Variants in RANBP2 observed in about 807,000 individuals in gnomAD.
The protein encoded by RANBP2 is E3 SUMO-protein ligase RanBP2.
A neutral mutation model predicts 303.6 loss-of-function variants in RANBP2; 57 were observed. The observed-to-expected ratio is 0.19, with a 90% CI of 0.15 to 0.23. RANBP2 has a LOEUF of 0.23. RANBP2 is among the 10% of genes least tolerant of loss of function. The pLI is 1.00. For missense variants in RANBP2, 3,138 were observed against 3,780.8 expected (o/e 0.83, Z 4.46); for synonymous variants, 1,167 against 1,301.5 (o/e 0.90, Z 2.23).
the RANBP2 span, among the ~76,000 whole-genome samples, chr2:109,388,662 G>A: frequency 2.6e-5 from 4 of 152,194 alleles, no homozygotes; most frequent in African/African-American, 9.7e-5. Context: ...GGTGTTTATC[G>A]AGCATGTACT....
chr2:108,954,704 C>T, the RANBP2 span, among the ~76,000 whole-genome samples: 1 of 150,618 alleles, frequency 6.6e-6, no homozygotes, highest in Admixed American at 6.6e-5. Flanking sequence ...GAGACAGAGT[C>T]TCGCTCTATT....
the RANBP2 span, among the ~76,000 whole-genome samples, chr2:109,400,507 AC>A: frequency 6.6e-6 from 1 of 150,762 alleles, no homozygotes; most frequent in East Asian, 2.0e-4. Flanking sequence ...TTACACATAC[AC>A]CCCTCCAGGT....
the RANBP2 span, among the ~76,000 whole-genome samples, chr2:109,606,672 C>CTTTTTT: frequency 1.8e-3 from 130 of 71,898 alleles, 4 homozygotes; most frequent in African/African-American, 4.8e-3. Flanking sequence ...AAATTTTAAG[C>CTTTTTT]TTTTTTTTTT....
the RANBP2 span, chr2:109,733,259 A>G: frequency 3.2e-6 from 1 of 308,544 alleles, no homozygotes; most frequent in Non-Finnish European, 6.5e-6. Context: ...CATGGAATGC[A>G]AAGATGTTTC....
chr2:109,550,182 C>G, the RANBP2 span, among the ~76,000 whole-genome samples: 1 of 151,634 alleles, frequency 6.6e-6, no homozygotes, highest in Admixed American at 6.6e-5. Flanking sequence ...CCCAGCTACT[C>G]GGGAGGCTGA....
At chr2:109,025,569 A>G in the RANBP2 span, among the ~76,000 whole-genome samples, 1 of 152,140 alleles carries the variant, frequency 6.6e-6, no homozygotes, top group South Asian at 2.1e-4. Context: ...GCACTTTGGG[A>G]GGCTGAGGCT....
At chr2:108,856,992 G>T in the RANBP2 span, 2 of 1,235,164 alleles carry the variant, frequency 1.6e-6, no homozygotes, top group East Asian at 7.7e-5. Context: ...AGTTCTATAT[G>T]TGTAAAGAAA....
the RANBP2 span, chr2:109,490,667 C>T: frequency 6.6e-7 from 1 of 1,518,826 alleles, no homozygotes; most frequent in Non-Finnish European, 8.8e-7. Context: ...AGAAGTCACG[C>T]TCCCCGCCAT....
the RANBP2 span, among the ~76,000 whole-genome samples, chr2:109,255,495 T>G: frequency 4.6e-5 from 7 of 152,256 alleles, no homozygotes; most frequent in African/African-American, 1.7e-4. Context: ...ACTGGGTATC[T>G]TTATTCACAG....
the RANBP2 span, among the ~76,000 whole-genome samples, chr2:109,166,058 T>C: frequency 6.6e-6 from 1 of 152,232 alleles, no homozygotes. Flanking sequence ...TGAGCCTCAC[T>C]GGAGAGCTGT....
the RANBP2 span, chr2:109,251,420 C>A: frequency 1.4e-6 from 1 of 705,114 alleles, no homozygotes. Flanking sequence ...GGAGTAGACA[C>A]CATGAGCAAA....
chr2:109,695,376 T>C, the RANBP2 span, among the ~76,000 whole-genome samples: 4 of 152,364 alleles, frequency 2.6e-5, no homozygotes, highest in Middle Eastern at 6.8e-3. Flanking sequence ...TTTTGGATAC[T>C]AATTTTGAGA....
the RANBP2 span, among the ~76,000 whole-genome samples, chr2:109,225,244 GA>G: frequency 6.6e-6 from 1 of 152,138 alleles, no homozygotes; most frequent in Non-Finnish European, 1.5e-5. Flanking sequence ...TTTTAATAAC[GA>G]TAATAATAAA....
chr2:108,775,946 G>C lies in RANBP2; in HGVS notation c.8497+10G>C, dbSNP rs200671296. 3 of 1,599,528 alleles carry C rather than the reference G, an allele frequency of 1.9e-6. No individual in the cohort carries two copies. Among genetic ancestry groups the C allele is most frequent in the Non-Finnish European group, 1.7e-6 (2 of 1,174,252 alleles). ...GATTCTACAAGCCAAGGTAAATCTT[G>C]ATATATGTTTATCATGTGTTACATA... is the stretch of plus-strand genomic sequence containing the variant. On this transcript the variant is annotated intron_variant, in intron 24 of 28. Transcript: ENST00000283195.
At chr2:109,521,723 G>A in the RANBP2 span, among the ~76,000 whole-genome samples, 6 of 152,324 alleles carry the variant, frequency 3.9e-5, no homozygotes, top group African/African-American at 1.2e-4. Context: ...ACAGAAAGAC[G>A]GTGTGTATCC....
chr2:109,382,580 C>G, the RANBP2 span, among the ~76,000 whole-genome samples: 1 of 152,220 alleles, frequency 6.6e-6, no homozygotes, highest in East Asian at 1.9e-4. Flanking sequence ...TCACCCCACA[C>G]AGAGCACCCC....
chr2:109,487,074 A>C, the RANBP2 span, among the ~76,000 whole-genome samples: 1 of 152,198 alleles, frequency 6.6e-6, no homozygotes, highest in Non-Finnish European at 1.5e-5. Context: ...TTGCAGAAGA[A>C]GGCAGTCAGG....
the RANBP2 span, chr2:108,897,120 G>A: frequency 1.4e-5 from 22 of 1,613,960 alleles, no homozygotes; most frequent in African/African-American, 9.3e-5. Context: ...CGAAGCTCTC[G>A]GCGAGGTGGC....
the RANBP2 span, among the ~76,000 whole-genome samples, chr2:109,642,011 G>A: frequency 6.6e-6 from 1 of 152,208 alleles, no homozygotes; most frequent in East Asian, 1.9e-4. Context: ...TCATCATGTT[G>A]ACCAGGCTGG....
Sources: gnomAD v4.1 joint callset for allele counts (sites outside exome capture counted in the v4.1 genomes callset) on GRCh38, gnomAD v4.1.1 for gene constraint, MANE v1.5 for transcripts, NCBI Gene and HGNC (gene_info 2026-07-23, HGNC 2026-07-21) for gene names.